Variants in DDC observed in about 807,000 individuals in gnomAD.
DDC encodes aromatic-L-amino-acid decarboxylase.
Under a neutral mutation model 60.0 loss-of-function variants are expected in DDC, and 43 were observed. The ratio of observed to expected loss-of-function variants is 0.72; its 90% CI spans 0.56 to 0.92. The LOEUF (loss-of-function observed/expected upper bound fraction) is 0.92, where lower values mean the gene tolerates loss of function less well. Among genes scored for constraint, DDC ranks in the 40% least tolerant of loss-of-function variants. The pLI, the probability that DDC is intolerant of heterozygous loss-of-function variation, is 0.00. For synonymous variants in DDC, 232 were observed against 234.6 expected, an observed-to-expected ratio of 0.99 and a Z score of 0.10; for missense variants, 573 against 620.2, an observed-to-expected ratio of 0.92 and a Z score of 0.81.
At chr7:50,549,533 A>G (rs1375447484) in intron 1 of DDC, among the ~76,000 whole-genome samples, 1 of 152,088 alleles carries the variant, frequency 6.6e-6, no homozygotes, top group Non-Finnish European at 1.5e-5. Context: ...GGGCTCCTGT[A>G]GTCCCAGCTA....
At chr7:50,554,155 C>A (rs528073388) in intron 1 of DDC, among the ~76,000 whole-genome samples, 2 of 152,202 alleles carry the variant, frequency 1.3e-5, no homozygotes, top group South Asian at 2.1e-4. Flanking sequence ...ACCTCCACCC[C>A]TTTCTGAGGC....
Position 50,544,006 on chromosome 7 carries a change from C to G in DDC, c.80G>C (p.Arg27Pro). The G allele has an allele frequency of 6.2e-7, 1 of 1,614,172 alleles. No homozygotes were observed. Among genetic ancestry groups the G allele is most frequent in the African/African-American group, 1.3e-5 (1 of 75,032 alleles). The change falls in exon 2 of 15, where the codon CGC becomes CCC. Residue 27 changes from arginine to proline, a missense_variant. Physicochemically the swap from Arg to Pro is moderately radical, Grantham distance 103. Transcript: ENST00000444124. ...GGGCTCCACGTCAGGGTAGACCTGG[C>G]GTCCCTCAATGCCTTCCATGTAGTT... ...MANYMEGIEG[R>P]QVYPDVEPGY...
At chr7:50,521,554 T>A (rs1304693) in intron 6 of DDC, among the ~76,000 whole-genome samples, 13,512 of 152,076 alleles carry the variant, frequency 0.089, 948 homozygotes, top group South Asian at 0.14. Flanking sequence ...GTAAAAAAAA[T>A]TATATATCAG....
At chr7:50,521,266 C>T (rs1322478224) in intron 6 of DDC, among the ~76,000 whole-genome samples, 2 of 152,062 alleles carry the variant, frequency 1.3e-5, no homozygotes, top group African/African-American at 4.8e-5. Flanking sequence ...AAAGAGATAA[C>T]CTCAATGGTG....
chr7:50,528,761 A>T (rs772538966), intron 5 of DDC, among the ~76,000 whole-genome samples: 4 of 152,062 alleles, frequency 2.6e-5, no homozygotes, highest in Admixed American at 6.5e-5. Flanking sequence ...TGTCTCAGAG[A>T]TTCTCAGGAA....
intron 6 of DDC, among the ~76,000 whole-genome samples, chr7:50,525,947 C>A (rs1359842232): frequency 6.7e-6 from 1 of 149,224 alleles, no homozygotes; most frequent in Non-Finnish European, 1.5e-5. Context: ...AGATATATGG[C>A]AGTCTGCAGA....
chr7:50,470,240 C>T (rs1010808047), intron 11 of DDC, 69 bp from the exon 12 acceptor site: 20 of 1,166,638 alleles, frequency 1.7e-5, no homozygotes, highest in Admixed American at 3.4e-5. Flanking sequence ...TTCGGCTCAC[C>T]GGCTCGCCTA....
At chr7:50,468,647 G>A (rs1284918824) in intron 12 of DDC, among the ~76,000 whole-genome samples, 1 of 152,188 alleles carries the variant, frequency 6.6e-6, no homozygotes, top group Non-Finnish European at 1.5e-5. Context: ...GTTTATATAT[G>A]CTGTGCCACA....
chr7:50,496,229 G>A (rs1028793759), intron 8 of DDC, among the ~76,000 whole-genome samples: 4 of 152,086 alleles, frequency 2.6e-5, no homozygotes, highest in Admixed American at 6.6e-5. Context: ...GACTACAGGC[G>A]TGTGCCACCA....
At chr7:50,537,730 G>GT in intron 4 of DDC, 130 bp downstream of exon 4, 1 of 1,240,076 alleles carries the variant, frequency 8.1e-7, no homozygotes, top group South Asian at 1.2e-5. Context: ...CAAGAGCTCG[G>GT]TTTTGTTTAT....
chr7:50,562,681 C>A (rs11575257), intron 1 of DDC, among the ~76,000 whole-genome samples: 2 of 152,214 alleles, frequency 1.3e-5, no homozygotes, highest in East Asian at 1.9e-4. Flanking sequence ...GAGCACAGGG[C>A]TCCTACAGGG....
chr7:50,481,842 T>C (rs2329368), intron 9 of DDC, among the ~76,000 whole-genome samples: 19,006 of 152,214 alleles, frequency 0.12, 1,399 homozygotes, highest in African/African-American at 0.21. Context: ...TATAATTCCA[T>C]GCATGTTTCT....
chr7:50,533,826 G>T (rs1412110531), intron 4 of DDC, among the ~76,000 whole-genome samples: 5 of 152,162 alleles, frequency 3.3e-5, no homozygotes, highest in African/African-American at 7.2e-5. Context: ...CTCACCAAAT[G>T]CTAGGGAGGG....
At chr7:50,478,263 G>A (rs910363523) in intron 10 of DDC, among the ~76,000 whole-genome samples, 9 of 152,074 alleles carry the variant, frequency 5.9e-5, no homozygotes, top group African/African-American at 1.7e-4. Context: ...ATGAAAATGA[G>A]GGAATGGCCC....
At chr7:50,547,737 C>T (rs893753268) in intron 1 of DDC, among the ~76,000 whole-genome samples, 7 of 152,180 alleles carry the variant, frequency 4.6e-5, no homozygotes, top group Non-Finnish European at 8.8e-5. Context: ...CTATCATAAT[C>T]GCATGTATTA....
At chr7:50,502,597 C>T (rs185371581) in intron 7 of DDC, among the ~76,000 whole-genome samples, 34 of 152,342 alleles carry the variant, frequency 2.2e-4, no homozygotes, top group Admixed American at 2.2e-3. Context: ...TATCCCTTCT[C>T]CCCAGCCCGG....
chr7:50,461,719 C>T (rs1248954838), intron 14 of DDC, among the ~76,000 whole-genome samples: 2 of 152,252 alleles, frequency 1.3e-5, no homozygotes, highest in African/African-American at 4.8e-5. Flanking sequence ...TCCCTCCCCT[C>T]ACATAGTCTT....
chr7:50,501,052 C>T (rs769457908), intron 7 of DDC, among the ~76,000 whole-genome samples: 1 of 152,200 alleles, frequency 6.6e-6, no homozygotes, highest in African/African-American at 2.4e-5. Flanking sequence ...CAGAGACCCT[C>T]GGCCAGAGCT....
In DDC at chr7:50,470,081, T is replaced by C. The variant is rs755858178; in HGVS notation, c.1132A>G (p.Ile378Val). 2.5e-6 allele frequency: 4 copies of C among 1,606,194 alleles called. No individual in the cohort carries two copies. In the East Asian group the frequency reaches 6.7e-5, roughly 27 times the overall value. The change falls in exon 12 of 15, where the codon ATC becomes GTC. Residue 378 changes from isoleucine to valine, a missense_variant. Ile to Val is a conservative substitution (Grantham distance 29). Coordinates refer to ENST00000444124, the MANE Select transcript of DDC (RefSeq NM_001082971.2). The stretch of plus-strand genomic sequence containing the variant: ...AATAAAAACAAAGTCACCTTGCGGA[T>C]ATAAGCCTGCAGTCCTTTGACTCCA... ...MYGVKGLQAY[I>V]RKHVQLSHEF...
Sources: allele counts gnomAD v4.1 joint callset (sites outside exome capture counted in the v4.1 genomes callset), GRCh38; gene constraint gnomAD v4.1.1; transcripts MANE v1.5; gene names NCBI Gene and HGNC (gene_info 2026-07-23, HGNC 2026-07-21).